The following ZNF469 variants were observed in gnomAD, a reference collection of about 807,000 sequenced individuals.
The protein encoded by ZNF469 is zinc finger protein 469.
Under a neutral mutation model 1.0 loss-of-function variants are expected in ZNF469, and 1 was observed. The ratio of observed to expected loss-of-function variants is 1.00; its 90% confidence interval spans 0.35 to 4.73. The LOEUF is 4.73. ZNF469 is among the 30% of genes most tolerant of loss of function. The probability of loss-of-function intolerance (pLI) is 0.16; values close to 1 mark genes in which losing one functional copy is unlikely to be tolerated. For missense variants in ZNF469, 6,100 were observed against 5,356.3 expected, an observed-to-expected ratio of 1.14 and a Z score of -4.33; for synonymous variants, 2,703 against 2,363.4, an observed-to-expected ratio of 1.14 and a Z score of -4.17.
At chr16:88,184,749 G>A in the ZNF469 span, among the ~76,000 whole-genome samples, 7 of 152,112 alleles carry the variant, frequency 4.6e-5, no homozygotes, top group Admixed American at 3.3e-4. Flanking sequence ...TGGGACGTGC[G>A]AGAGGCATTT....
the ZNF469 span, among the ~76,000 whole-genome samples, chr16:88,365,840 G>A: frequency 3.3e-5 from 5 of 152,102 alleles, no homozygotes; most frequent in Admixed American, 6.5e-5. Context: ...AGGCAATGCC[G>A]CCACACAAGC....
At chr16:88,171,639 T>G in the ZNF469 span, among the ~76,000 whole-genome samples, 1 of 152,152 alleles carries the variant, frequency 6.6e-6, no homozygotes, top group Non-Finnish European at 1.5e-5. Flanking sequence ...TTATGAAAAA[T>G]GCACAGACTC....
At chr16:88,276,865 C>T in the ZNF469 span, among the ~76,000 whole-genome samples, 2 of 151,882 alleles carry the variant, frequency 1.3e-5, no homozygotes, top group African/African-American at 4.8e-5. Flanking sequence ...AGTGCTGTGC[C>T]ACGCTGACGC....
At position 88,440,224 on chromosome 16, in the gene ZNF469, A is replaced by G. The variant is rs1906904508; in HGVS notation, c.*892A>G. On this transcript the variant is annotated 3_prime_UTR_variant, in exon 3 of 3. Transcript: ENST00000565624. ...TTTTAATGGGGGTATTGGGTGGGAC[A>G]GACGGGGTCAGGGAGGCCCCACCAT... The G allele has an allele frequency of 6.6e-6, 1 of 151,722 alleles. No individual in the cohort carries two copies. The highest frequency in any genetic ancestry group is 2.4e-5 in the African/African-American group (1 of 41,080). The allele number at this position is 151,722 out of a possible 1,614,324, so 9.4% of individuals were successfully genotyped here. A position where few individuals can be genotyped will look rare whatever the true frequency, so the allele number is the denominator to read the frequency against.
chr16:88,281,108 G>A, the ZNF469 span, among the ~76,000 whole-genome samples: 6,208 of 147,966 alleles, frequency 0.042, 408 homozygotes, highest in African/African-American at 0.14. Flanking sequence ...GGTCAGTACC[G>A]TGTCAATTTT....
At chr16:88,410,864 G>A (rs555659938) in intron 1 of ZNF469, among the ~76,000 whole-genome samples, 142 of 152,120 alleles carry the variant, frequency 9.3e-4, no homozygotes, top group Non-Finnish European at 1.6e-3. Context: ...TGTGGGCAAG[G>A]CCACCTCCTG....
At chr16:88,193,163 TGGTGGTGGGG>T in the ZNF469 span, among the ~76,000 whole-genome samples, 3 of 12,964 alleles carry the variant, frequency 2.3e-4, 1 homozygote, top group Non-Finnish European at 4.8e-4. Flanking sequence ...ATGGTGGTGA[TGGTGGTGGGG>T]ATGGTGGTGA....
the ZNF469 span, among the ~76,000 whole-genome samples, chr16:88,285,779 G>T: frequency 7.9e-4 from 120 of 152,350 alleles, no homozygotes; most frequent in African/African-American, 2.8e-3. Context: ...CTCTGGCAGG[G>T]GCCACCATGT....
the ZNF469 span, among the ~76,000 whole-genome samples, chr16:88,241,628 G>A: frequency 6.6e-6 from 1 of 152,170 alleles, no homozygotes; most frequent in Non-Finnish European, 1.5e-5. The surrounding 1 kb of genome is among the most constrained non-coding windows in gnomAD (Gnocchi z 4.8). Context: ...GGCAGGGAGT[G>A]TTGACATCCG....
the ZNF469 span, among the ~76,000 whole-genome samples, chr16:88,143,708 C>T: frequency 3.9e-5 from 6 of 152,360 alleles, no homozygotes; most frequent in East Asian, 1.9e-4. Flanking sequence ...ACATCACACA[C>T]GTTTGCTCTA....
the ZNF469 span, among the ~76,000 whole-genome samples, chr16:88,282,474 T>C: frequency 6.6e-6 from 1 of 152,282 alleles, no homozygotes; most frequent in Admixed American, 6.5e-5. Context: ...CCCTGGGCCC[T>C]GGCCTTTTGA....
At chr16:88,155,552 G>A in the ZNF469 span, among the ~76,000 whole-genome samples, 1 of 152,170 alleles carries the variant, frequency 6.6e-6, no homozygotes, top group African/African-American at 2.4e-5. Context: ...CACAGAACCG[G>A]GATCACACAA....
chr16:88,386,611 C>G (rs1330659534), intron 1 of ZNF469, among the ~76,000 whole-genome samples: 3 of 152,180 alleles, frequency 2.0e-5, no homozygotes, highest in Non-Finnish European at 4.4e-5. Context: ...CGGAGGGTCC[C>G]GTCACATCCA....
the ZNF469 span, among the ~76,000 whole-genome samples, chr16:88,205,127 G>C: frequency 6.6e-6 from 1 of 152,214 alleles, no homozygotes; most frequent in Admixed American, 6.5e-5. This position sits in a 1 kb window ranked among gnomAD's most constrained non-coding sequence, Gnocchi z 4.2. Context: ...TTTCACTGCA[G>C]ATGTTACTGG....
Position 88,432,176 on chromosome 16 carries a change from C to T in ZNF469, c.4706C>T (p.Thr1569Ile). Residue 1569 changes from threonine to isoleucine, a missense_variant, in exon 3 of 3, where the codon ACC (threonine) becomes ATC (isoleucine). Transcript: ENST00000565624. ...GAACTGGAGATCCAGAAATTGGTCA[C>T]CGAATTAGAAAGTCAGCTGCAAAGG... ...EDELEIQKLV[T>I]ELESQLQRSK... 6.5e-7 allele frequency: 1 copy of T among 1,550,326 alleles called. No individual in the cohort carries two copies. The highest frequency in any genetic ancestry group is 8.7e-7 in the Non-Finnish European group (1 of 1,146,982).
Position 88,431,668 on chromosome 16 carries a change from C to A in ZNF469, c.4198C>A (p.Pro1400Thr), listed in dbSNP as rs145158875. ...LAGCFLEELHPKPSARDAPPA... is the reference protein window; with the variant it reads ...LAGCFLEELHTKPSARDAPPA... ...TGGCTGTTTCCTGGAAGAACTGCAC[C>A]CCAAGCCCTCAGCCAGGGATGCCCC... The change falls in exon 3 of 3, where the codon CCC (proline) becomes ACC (threonine). Residue 1400 changes from proline to threonine, a missense_variant. Pro to Thr is a conservative substitution (Grantham distance 38). Transcript: ENST00000565624. 4.2e-4 allele frequency: 651 copies of A among 1,550,454 alleles called. 4 individuals are homozygous for A. In the African/African-American group the frequency reaches 8.2e-3, roughly 19 times the overall value.
the ZNF469 span, among the ~76,000 whole-genome samples, chr16:88,223,973 A>AT: frequency 6.6e-6 from 1 of 152,200 alleles, no homozygotes; most frequent in South Asian, 2.1e-4. Context: ...GGGTTGGGGC[A>AT]TTTTTATTAG....
the ZNF469 span, among the ~76,000 whole-genome samples, chr16:88,319,989 G>C: frequency 6.6e-6 from 1 of 152,246 alleles, no homozygotes; most frequent in Non-Finnish European, 1.5e-5. Context: ...CCTGAAGCCT[G>C]ACTCCTCGCC....
At chr16:88,130,471 C>T in the ZNF469 span, among the ~76,000 whole-genome samples, 10,744 of 151,998 alleles carry the variant, frequency 0.071, 510 homozygotes, top group Admixed American at 0.13. Context: ...GAGTGGAGGC[C>T]GAGGCGGGCG....
Sources: allele counts gnomAD v4.1 joint callset (sites outside exome capture counted in the v4.1 genomes callset), GRCh38; gene constraint gnomAD v4.1.1; non-coding constraint Gnocchi (gnomAD v3.1); transcripts MANE v1.5; gene names NCBI Gene and HGNC (gene_info 2026-07-23, HGNC 2026-07-21).